ZNF385D: variants seen among roughly 807,000 people sequenced by gnomAD.
The protein encoded by ZNF385D is zinc finger protein 659.
Under a neutral mutation model 35.8 loss-of-function variants are expected in ZNF385D, and 15 were observed. The ratio of observed to expected loss-of-function variants is 0.42; its 90% CI spans 0.28 to 0.64. The LOEUF (loss-of-function observed/expected upper bound fraction) is 0.64. Ranked by LOEUF, ZNF385D falls within the 30% of genes least tolerant of loss-of-function variation. ZNF385D has a pLI of 0.23. For missense variants in ZNF385D, 474 were observed against 494.6 expected, an observed-to-expected ratio of 0.96 and a Z score of 0.39; for synonymous variants, 212 against 186.8, an observed-to-expected ratio of 1.13 and a Z score of -1.10.
chr3:21,777,270 T>C (rs1185776112), intron 3 of ZNF385D, among the ~76,000 whole-genome samples: 2 of 151,982 alleles, frequency 1.3e-5, no homozygotes, highest in African/African-American at 4.8e-5. Context: ...GAACTCATTT[T>C]CATCACATCA....
intron 2 of ZNF385D, among the ~76,000 whole-genome samples, chr3:21,632,394 A>T (rs1024818309): frequency 6.6e-6 from 1 of 152,142 alleles, no homozygotes; most frequent in Non-Finnish European, 1.5e-5. Flanking sequence ...CTGAGTCTAT[A>T]TCATTAGTTT....
intron 3 of ZNF385D, among the ~76,000 whole-genome samples, chr3:22,029,747 C>A (rs994010047): frequency 6.6e-6 from 1 of 151,912 alleles, no homozygotes; most frequent in African/African-American, 2.4e-5. Context: ...GGGATTGGTG[C>A]ATTTCTAGTT....
chr3:21,610,551 A>G (rs1018038895), intron 2 of ZNF385D, among the ~76,000 whole-genome samples: 5 of 152,012 alleles, frequency 3.3e-5, no homozygotes, highest in African/African-American at 1.2e-4. Flanking sequence ...CAGGTGGATC[A>G]TGAGGTCAGG....
chr3:21,731,621 T>G (rs1260814152), intron 1 of ZNF385D, among the ~76,000 whole-genome samples: 9 of 152,206 alleles, frequency 5.9e-5, no homozygotes, highest in Non-Finnish European at 2.9e-5. Context: ...ACATACAGAA[T>G]AGTTTCATTG....
At chr3:21,509,812 A>G (rs576237385) in intron 4 of ZNF385D, among the ~76,000 whole-genome samples, 1 of 152,324 alleles carries the variant, frequency 6.6e-6, no homozygotes, top group East Asian at 1.9e-4. Context: ...ACAAAATGCC[A>G]CAGGAACTAA....
chr3:22,019,173 T>C (rs1697076960), intron 3 of ZNF385D, among the ~76,000 whole-genome samples: 1 of 151,034 alleles, frequency 6.6e-6, no homozygotes. Flanking sequence ...CTGTAATCTG[T>C]GCCAATCTGT....
intron 3 of ZNF385D, among the ~76,000 whole-genome samples, chr3:21,513,339 G>A (rs538312002): frequency 6.6e-6 from 1 of 151,944 alleles, no homozygotes; most frequent in Admixed American, 6.6e-5. Context: ...GGAAGAACAG[G>A]GTGACAAAAT....
chr3:21,501,619 T>A (rs1383916268), intron 4 of ZNF385D, among the ~76,000 whole-genome samples: 1 of 152,262 alleles, frequency 6.6e-6, no homozygotes, highest in African/African-American at 2.4e-5. Context: ...CATGTTTTCA[T>A]AGATACTCAT....
At chr3:21,721,549 C>T (rs2068542245) in intron 1 of ZNF385D, among the ~76,000 whole-genome samples, 2 of 151,942 alleles carry the variant, frequency 1.3e-5, no homozygotes, top group African/African-American at 2.4e-5. Flanking sequence ...ATTTAATAAT[C>T]AAAATGAGGA....
chr3:22,013,402 G>C (rs1231232166), intron 3 of ZNF385D, among the ~76,000 whole-genome samples: 1 of 152,040 alleles, frequency 6.6e-6, no homozygotes, highest in Non-Finnish European at 1.5e-5. Context: ...ACCATATTAT[G>C]GCAGTTAGAA....
At chr3:22,210,007 G>A (rs1185246868) in intron 2 of ZNF385D, among the ~76,000 whole-genome samples, 1 of 151,512 alleles carries the variant, frequency 6.6e-6, no homozygotes, top group Non-Finnish European at 1.5e-5. Context: ...TTAATTAATA[G>A]TATTATATTC....
chr3:22,220,475 T>A (rs1204919979), intron 2 of ZNF385D, among the ~76,000 whole-genome samples: 4 of 152,196 alleles, frequency 2.6e-5, no homozygotes, highest in Admixed American at 2.6e-4. Flanking sequence ...CAGCTCGGTT[T>A]AAAAACGTCA....
intron 2 of ZNF385D, among the ~76,000 whole-genome samples, chr3:22,264,150 GA>G (rs1700775545): frequency 6.6e-6 from 1 of 151,994 alleles, no homozygotes; most frequent in East Asian, 1.9e-4. Context: ...TCCAAACTGT[GA>G]GGCATATATA....
chr3:22,127,084 T>G (rs1703477078), intron 3 of ZNF385D, among the ~76,000 whole-genome samples: 1 of 152,062 alleles, frequency 6.6e-6, no homozygotes, highest in Admixed American at 6.6e-5. Context: ...GTGAAATGTG[T>G]TTCTTATAAG....
chr3:22,095,060 A>G (rs1390801652), intron 3 of ZNF385D, among the ~76,000 whole-genome samples: 1 of 148,242 alleles, frequency 6.7e-6, no homozygotes, highest in Non-Finnish European at 1.5e-5. Context: ...GACATGCATC[A>G]CCATGCCCAG....
intron 2 of ZNF385D, among the ~76,000 whole-genome samples, chr3:21,605,814 C>G (rs28500731): frequency 6.6e-6 from 1 of 151,720 alleles, no homozygotes; most frequent in East Asian, 1.9e-4. Context: ...AGATTCTTAC[C>G]CTGATCTTTA....
At chr3:22,151,177 G>A in intron 3 of ZNF385D, among the ~76,000 whole-genome samples, 1 of 152,104 alleles carries the variant, frequency 6.6e-6, no homozygotes, top group East Asian at 1.9e-4. Flanking sequence ...GTTTCATGGG[G>A]CAGGGGCACC....
At position 21,423,955 on chromosome 3, in the gene ZNF385D, A is replaced by G. The variant is rs1700865594; in HGVS notation, c.954+8T>C. 1 of 1,604,774 alleles carries G rather than the reference A, an allele frequency of 6.2e-7. No individual in the cohort carries two copies. Reference sequence around the variant, plus strand: ...ATAGAGGCTGGACTCTTGCAAAATGACACTCACCCCCAGTGGATGTGCTGT... The same window carrying G: ...ATAGAGGCTGGACTCTTGCAAAATGGCACTCACCCCCAGTGGATGTGCTGT... On this transcript the variant is annotated splice_region_variant and intron_variant, in intron 7 of 7. Coordinates refer to ENST00000281523, the MANE Select transcript of ZNF385D (RefSeq NM_024697.3).
At chr3:21,625,620 A>G (rs1264494863) in intron 2 of ZNF385D, among the ~76,000 whole-genome samples, 1 of 152,136 alleles carries the variant, frequency 6.6e-6, no homozygotes. Context: ...GGCAAATAGC[A>G]AAGTGTTCAG....
Sources: allele counts gnomAD v4.1 joint callset (sites outside exome capture counted in the v4.1 genomes callset), GRCh38; gene constraint gnomAD v4.1.1; transcripts MANE v1.5; gene names NCBI Gene and HGNC (gene_info 2026-07-23, HGNC 2026-07-21).